The following CCM2 variants were observed in gnomAD, a reference collection of about 807,000 sequenced individuals.
The protein encoded by CCM2 is cerebral cavernous malformations 2 protein.
Under a neutral mutation model 44.9 loss-of-function variants are expected in CCM2, and 25 were observed. The observed-to-expected ratio is 0.56, with a 90% confidence interval of 0.41 to 0.78. CCM2 has a LOEUF of 0.78. Among genes scored for constraint, CCM2 ranks in the 30% least tolerant of loss-of-function variants. CCM2 has a pLI of 0.00. For missense variants in CCM2, 481 were observed against 580.6 expected (o/e 0.83, Z 1.76); for synonymous variants, 219 against 241.1 (o/e 0.91, Z 0.85).
Position 45,070,017 on chromosome 7 carries a change from A to C in CCM2, c.745+56A>C. 8 of 1,600,532 alleles carry C rather than the reference A, an allele frequency of 5.0e-6. No homozygotes were observed. The South Asian group carries it at 8.8e-5, about 18-fold the overall frequency. ...GAGCAGGGACAGGAGGGGCTACTGC[A>C]GTGGCCCCCAGCTCCCCATGAGTTA... is the stretch of plus-strand genomic sequence containing the variant. On this transcript the variant is annotated intron_variant, in intron 6 of 9. Coordinates refer to ENST00000258781, the MANE Select transcript of CCM2 (RefSeq NM_031443.4).
chr7:45,025,833 C>T (rs894732412), intron 1 of CCM2, among the ~76,000 whole-genome samples: 2 of 152,156 alleles, frequency 1.3e-5, no homozygotes, highest in Admixed American at 6.5e-5. Context: ...TGCACCCGGC[C>T]GTTTTCTCTT....
intron 2 of CCM2, among the ~76,000 whole-genome samples, chr7:45,053,439 A>G (rs554117103): frequency 1.5e-3 from 224 of 152,264 alleles, no homozygotes; most frequent in African/African-American, 5.1e-3. Context: ...TCTTGTTTAT[A>G]TATAGTAAGC....
chr7:45,047,106 C>G (rs565936922), intron 2 of CCM2, among the ~76,000 whole-genome samples: 1 of 152,132 alleles, frequency 6.6e-6, no homozygotes, highest in Non-Finnish European at 1.5e-5. Flanking sequence ...ACCCCTCATT[C>G]ATTGCTGGTA....
chr7:45,000,515 A>G (rs1476338979), intron 1 of CCM2, 152 bp downstream of exon 1: 12 of 527,586 alleles, frequency 2.3e-5, no homozygotes, highest in African/African-American at 1.1e-4. Flanking sequence ...ACCCCGGACA[A>G]TGGTCAGGTG....
At chr7:45,003,403 T>G (rs1324641074) in intron 1 of CCM2, among the ~76,000 whole-genome samples, 1 of 152,124 alleles carries the variant, frequency 6.6e-6, no homozygotes, top group Non-Finnish European at 1.5e-5. Context: ...TGGATGCACT[T>G]AAGTTGGGTT....
intron 1 of CCM2, among the ~76,000 whole-genome samples, chr7:45,033,422 C>CA (rs1472039675): frequency 2.0e-5 from 3 of 152,150 alleles, no homozygotes; most frequent in Non-Finnish European, 4.4e-5. Context: ...TCTCCTGTCT[C>CA]AGAGTTGGTT....
chr7:45,013,608 C>T (rs933682021), intron 1 of CCM2, among the ~76,000 whole-genome samples: 6 of 152,192 alleles, frequency 3.9e-5, no homozygotes, highest in East Asian at 1.9e-4. Flanking sequence ...GATCTTGCTA[C>T]GTAATTCATG....
At chr7:45,037,749 T>G (rs1202561570) in intron 1 of CCM2, among the ~76,000 whole-genome samples, 7 of 151,966 alleles carry the variant, frequency 4.6e-5, no homozygotes, top group African/African-American at 1.7e-4. Context: ...GCATTGGAGC[T>G]CAACACACTC....
Position 45,069,195 on chromosome 7 carries a change from A to G in CCM2, c.609+616A>G, listed in dbSNP as rs148071538. Among the ~76,000 whole-genome samples, 1,447 of 152,312 alleles carry G rather than the reference A, an allele frequency of 9.5e-3. 20 individuals carry two copies. The highest frequency in any genetic ancestry group is 0.033 in the African/African-American group (1,354 of 41,578). Reference sequence around the variant, plus strand: ...ATGCTAGTGACCACCCACCTTAAATATCCTCTAATGAGCATTTCTCAGTGT... The same window carrying G: ...ATGCTAGTGACCACCCACCTTAAATGTCCTCTAATGAGCATTTCTCAGTGT... On this transcript the variant is annotated intron_variant, in intron 5 of 9. Transcript: ENST00000258781.
intron 7 of CCM2, 84 bp downstream of exon 7, chr7:45,072,867 TC>T: frequency 1.8e-6 from 2 of 1,141,540 alleles, no homozygotes; most frequent in Non-Finnish European, 1.3e-6. Flanking sequence ...GCCAGTCAGC[TC>T]CCCCATCTCA....
At position 45,063,946 on chromosome 7, in the gene CCM2, G is replaced by A; in HGVS notation, c.233G>A (p.Gly78Glu). 6.2e-7 allele frequency: 1 copy of A among 1,613,234 alleles called. No individual in the cohort carries two copies. Among genetic ancestry groups the A allele is most frequent in the Non-Finnish European group, 8.5e-7 (1 of 1,179,310 alleles). Reference protein sequence around the residue: ...KYLGQLTSIPGYLNPSSRTEI... With the variant: ...KYLGQLTSIPEYLNPSSRTEI... The stretch of plus-strand genomic sequence containing the variant: ...TTAGGTCAGTTAACGTCCATACCAG[G>A]ATACCTGAATCCCTCCAGTAGGACT... The change falls in exon 3 of 10, where the codon GGA (glycine) becomes GAA (glutamate). Residue 78 changes from glycine (G) to glutamate (E), a missense_variant. By Grantham distance (98) the Gly-to-Glu change is moderately conservative (BLOSUM62 -2). Coordinates refer to ENST00000258781, the MANE Select transcript of CCM2 (RefSeq NM_031443.4).
chr7:45,052,199 G>T, intron 2 of CCM2, among the ~76,000 whole-genome samples: 1 of 152,178 alleles, frequency 6.6e-6, no homozygotes, highest in East Asian at 1.9e-4. Context: ...ATTTTTGCCA[G>T]AACAAGTGTT....
chr7:45,002,716 T>TG (rs1795691997), intron 1 of CCM2, among the ~76,000 whole-genome samples: 1 of 152,158 alleles, frequency 6.6e-6, no homozygotes, highest in South Asian at 2.1e-4. Context: ...TGATGATGAC[T>TG]GTACACCTGG....
rs372454105 is a variant in CCM2 at position 45,069,681 on chromosome 7, A to G, written c.610-145A>G. ...CTCTCTTTTGACACCCCTTTGGGTC[A>G]GTGAAAGGCAGAGGGACACATTCTG... On this transcript the variant is annotated intron_variant, in intron 5 of 9. Transcript: ENST00000258781. The G allele has an allele frequency of 4.8e-6, 5 of 1,051,352 alleles. No homozygotes were observed. The African/African-American group carries it at 7.8e-5, about 16-fold the overall frequency. 65.1% of individuals were successfully genotyped at this position (1,051,352 alleles called of 1,614,324 possible).
chr7:45,021,219 T>C (rs1444995192), intron 1 of CCM2, among the ~76,000 whole-genome samples: 1 of 152,054 alleles, frequency 6.6e-6, no homozygotes, highest in Non-Finnish European at 1.5e-5. Context: ...ATTGTGCCAC[T>C]GCACTGCAGC....
chr7:45,017,829 A>G (rs1034680848), intron 1 of CCM2, among the ~76,000 whole-genome samples: 18 of 152,178 alleles, frequency 1.2e-4, no homozygotes, highest in Non-Finnish European at 1.9e-4. Flanking sequence ...AGTCAGTTGG[A>G]GTGCTTAGGA....
At position 45,017,066 on chromosome 7, in the gene CCM2, G is replaced by T. The variant is rs530021731; in HGVS notation, c.30+16703G>T. Among the ~76,000 whole-genome samples, 22 of 152,342 alleles carry T rather than the reference G, an allele frequency of 1.4e-4. No individual in the cohort carries two copies. The South Asian group carries it at 4.6e-3, about 32-fold the overall frequency. Reference sequence around the variant, plus strand: ...TTACAGGCGTGAGCCACTGCATCTGGCCCAAACATTCATTTTTAAAAGAAC... The same window carrying T: ...TTACAGGCGTGAGCCACTGCATCTGTCCCAAACATTCATTTTTAAAAGAAC... On this transcript the variant is annotated intron_variant, in intron 1 of 9. Transcript: ENST00000258781.
chr7:45,068,595 C>T lies in CCM2; in HGVS notation c.609+16C>T. The T allele has an allele frequency of 6.2e-7, 1 of 1,613,592 alleles. No individual in the cohort carries two copies. The highest frequency in any genetic ancestry group is 8.5e-7 in the Non-Finnish European group (1 of 1,179,982). On this transcript the variant is annotated intron_variant, in intron 5 of 9. Transcript: ENST00000258781. Reference sequence around the variant, plus strand: ...AGAGAGCAAGGTGAGACTTTCTCGCCCCACTTACTCAGAACTGGCTCCTCC... The same window carrying T: ...AGAGAGCAAGGTGAGACTTTCTCGCTCCACTTACTCAGAACTGGCTCCTCC...
At chr7:45,001,074 A>G (rs1022166100) in intron 1 of CCM2, among the ~76,000 whole-genome samples, 1 of 152,206 alleles carries the variant, frequency 6.6e-6, no homozygotes, top group Admixed American at 6.5e-5. Context: ...CGTCTTGGCT[A>G]TCATTTTCTT....
Sources: gnomAD v4.1 joint callset for allele counts (sites outside exome capture counted in the v4.1 genomes callset) on GRCh38, gnomAD v4.1.1 for gene constraint, MANE v1.5 for transcripts, NCBI Gene and HGNC (gene_info 2026-07-23, HGNC 2026-07-21) for gene names.